Variants in MSRA observed in about 807,000 individuals in gnomAD.
MSRA encodes the protein methionine sulfoxide reductase A.
A neutral mutation model predicts 31.3 loss-of-function variants in MSRA; 54 were observed. That is an observed-to-expected ratio of 1.73 (90% confidence interval 1.39 to 2.17). The LOEUF (loss-of-function observed/expected upper bound fraction) is 2.17. MSRA is among the 30% of genes most tolerant of loss of function. The pLI is 0.00. For synonymous variants in MSRA, 169 were observed against 116.5 expected (o/e 1.45, Z -2.90); for missense variants, 507 against 300.9 (o/e 1.69, Z -5.07).
At position 10,359,480 on chromosome 8, in the gene MSRA, T is replaced by G. The variant is rs74888801; in HGVS notation, c.543+39491T>G. 1.8e-3 allele frequency among the ~76,000 whole-genome samples: 281 copies of G among 152,312 alleles called. 10 individuals are homozygous for G. In the East Asian group the frequency reaches 0.05, roughly 27 times the overall value. ...ATTTTAAAGTAATATGCTGCATATT[T>G]TATAGTTTTTTGGTCCATCTTTTTG... On this transcript the variant is annotated intron_variant, in intron 5 of 5. Transcript: ENST00000317173.
At chr8:10,064,537 A>C (rs1455821023) in intron 1 of MSRA, among the ~76,000 whole-genome samples, 2 of 152,206 alleles carry the variant, frequency 1.3e-5, no homozygotes, top group East Asian at 3.8e-4. Context: ...AACAGGAAGA[A>C]ATGTGGTGAC....
In MSRA at chr8:10,265,554, A is replaced by T. The variant is rs190302463; in HGVS notation, c.331+20331A>T. On this transcript the variant is annotated intron_variant, in intron 3 of 5. Transcript: ENST00000317173. ...GCTAGCCCATAGCAGGGACTAGACCAGAACCCTGGCCTTTTCACTTTTCAG... is the reference window on the plus strand; with the variant it reads ...GCTAGCCCATAGCAGGGACTAGACCTGAACCCTGGCCTTTTCACTTTTCAG... Among the ~76,000 whole-genome samples, 306 of 152,360 alleles carry T rather than the reference A, an allele frequency of 2.0e-3. 2 individuals carry two copies. Among genetic ancestry groups the T allele is most frequent in the African/African-American group, 7.1e-3 (295 of 41,580 alleles).
At chr8:10,233,647 A>G (rs1275607340) in intron 2 of MSRA, among the ~76,000 whole-genome samples, 2 of 152,244 alleles carry the variant, frequency 1.3e-5, no homozygotes, top group African/African-American at 2.4e-5. Flanking sequence ...CAGGAAAAAG[A>G]AGAATGTATC....
At chr8:10,401,980 G>T (rs1226204190) in intron 5 of MSRA, among the ~76,000 whole-genome samples, 1 of 152,226 alleles carries the variant, frequency 6.6e-6, no homozygotes, top group Admixed American at 6.5e-5. Flanking sequence ...AGTGGTGATG[G>T]TTGCACAGCA....
intron 1 of MSRA, among the ~76,000 whole-genome samples, chr8:10,127,343 A>C (rs1037189023): frequency 6.6e-6 from 1 of 152,216 alleles, no homozygotes; most frequent in Admixed American, 6.5e-5. Context: ...ACTATGTTCA[A>C]TTTTGTTTCT....
rs547408486 is a variant in MSRA at position 10,348,388 on chromosome 8, G to T, written c.543+28399G>T. ...TTTTTTTTTTTTTTTTTTTTGGACA[G>T]AGTCTTGCTCTTGCTCTGTCGCCCA... On this transcript the variant is annotated intron_variant, in intron 5 of 5. Coordinates refer to ENST00000317173, the MANE Select transcript of MSRA (RefSeq NM_012331.5). 3.9e-5 allele frequency among the ~76,000 whole-genome samples: 3 copies of T among 77,126 alleles called. No individual in the cohort carries two copies. In the South Asian group the frequency reaches 1.5e-3, roughly 38 times the overall value. The allele number at this position is 77,126 out of a possible 152,430, so 50.6% of individuals were successfully genotyped here.
chr8:10,104,037 A>G (rs953327977), intron 1 of MSRA, among the ~76,000 whole-genome samples: 2 of 152,164 alleles, frequency 1.3e-5, no homozygotes, highest in Non-Finnish European at 2.9e-5. Flanking sequence ...ATGAAATTAG[A>G]TATTTCTGAG....
chr8:10,216,490 A>G (rs1034194390), intron 2 of MSRA, among the ~76,000 whole-genome samples: 1 of 152,178 alleles, frequency 6.6e-6, no homozygotes, highest in African/African-American at 2.4e-5. Context: ...GTACCTTCAC[A>G]TTGTTTTGTA....
intron 1 of MSRA, among the ~76,000 whole-genome samples, chr8:10,157,391 G>T (rs1038886327): frequency 3.3e-5 from 5 of 152,108 alleles, no homozygotes; most frequent in African/African-American, 7.2e-5. Flanking sequence ...ATAATCATTG[G>T]TTGGTCTGGT....
chr8:10,213,498 G>A (rs1414299927), intron 2 of MSRA, among the ~76,000 whole-genome samples: 1 of 135,564 alleles, frequency 7.4e-6, no homozygotes. Flanking sequence ...GTGCAGTGAC[G>A]CGACCTCGGC....
chr8:10,064,747 T>A (rs1797372879), intron 1 of MSRA, among the ~76,000 whole-genome samples: 1 of 152,220 alleles, frequency 6.6e-6, no homozygotes, highest in Non-Finnish European at 1.5e-5. Context: ...TATTTTATAC[T>A]TTGCATAGGT....
intron 1 of MSRA, among the ~76,000 whole-genome samples, chr8:10,057,435 A>G (rs1203480852): frequency 6.6e-6 from 1 of 152,218 alleles, no homozygotes; most frequent in East Asian, 1.9e-4. Flanking sequence ...GCTCATAATT[A>G]AAACCTCAGA....
Position 10,428,387 on chromosome 8 carries a change from C to A in MSRA, c.*75C>A. On this transcript the variant is annotated 3_prime_UTR_variant, in exon 6 of 6. Coordinates refer to ENST00000317173, the MANE Select transcript of MSRA (RefSeq NM_012331.5). The stretch of plus-strand genomic sequence containing the variant: ...CAAATTGGGCAATGCTTGTGTGATT[C>A]ACAATCGTGGCATTTAAAGTGCACA... 1 of 1,486,066 alleles carries A rather than the reference C, an allele frequency of 6.7e-7. No individual in the cohort carries two copies. Among genetic ancestry groups the A allele is most frequent in the East Asian group, 2.3e-5 (1 of 43,692 alleles). 92.1% of individuals were successfully genotyped at this position (1,486,066 alleles called of 1,614,324 possible).
At chr8:10,096,357 G>A in intron 1 of MSRA, 1 of 1,018,314 alleles carries the variant, frequency 9.8e-7, no homozygotes, top group South Asian at 4.6e-5. Context: ...TCTTTGCTCT[G>A]AACCATTTTT....
At chr8:10,263,457 T>C (rs903543672) in intron 3 of MSRA, among the ~76,000 whole-genome samples, 1 of 152,230 alleles carries the variant, frequency 6.6e-6, no homozygotes, top group Admixed American at 6.5e-5. Context: ...GTTCAGACAA[T>C]AGGTTAATGC....
intron 2 of MSRA, among the ~76,000 whole-genome samples, chr8:10,229,927 C>G (rs1811323897): frequency 6.6e-6 from 1 of 152,236 alleles, no homozygotes; most frequent in Non-Finnish European, 1.5e-5. Flanking sequence ...TGAATTTCCA[C>G]TTTCGAAGCC....
intron 1 of MSRA, among the ~76,000 whole-genome samples, chr8:10,096,566 T>G: frequency 6.6e-6 from 1 of 152,354 alleles, no homozygotes; most frequent in Admixed American, 6.5e-5. Flanking sequence ...TTCTTATTTT[T>G]GGTTGATTAG....
At chr8:10,217,484 A>G (rs1015340108) in intron 2 of MSRA, among the ~76,000 whole-genome samples, 1 of 152,240 alleles carries the variant, frequency 6.6e-6, no homozygotes, top group Non-Finnish European at 1.5e-5. Context: ...ATTTTCTGTC[A>G]ATATCATTTC....
intron 1 of MSRA, among the ~76,000 whole-genome samples, chr8:10,163,801 C>T (rs1276855328): frequency 6.6e-6 from 1 of 152,226 alleles, no homozygotes; most frequent in Non-Finnish European, 1.5e-5. Context: ...CAGGCCCTAC[C>T]CAGATGGACA....
Sources: allele counts gnomAD v4.1 joint callset (sites outside exome capture counted in the v4.1 genomes callset), GRCh38; gene constraint gnomAD v4.1.1; transcripts MANE v1.5; gene names NCBI Gene and HGNC (gene_info 2026-07-23, HGNC 2026-07-21).